Variants in DEAF1 observed in about 807,000 individuals in gnomAD.
The protein encoded by DEAF1 is deformed epidermal autoregulatory factor 1 homolog.
A neutral mutation model predicts 58.9 loss-of-function variants in DEAF1; 53 were observed. The observed-to-expected ratio is 0.90, with a 90% confidence interval of 0.72 to 1.13. The LOEUF (loss-of-function observed/expected upper bound fraction) is 1.13, where lower values mean the gene tolerates loss of function less well. Among genes scored for constraint, DEAF1 ranks in the 50% most tolerant of loss-of-function variants. The probability of loss-of-function intolerance (pLI) is 0.00; values close to 1 mark genes in which losing one functional copy is unlikely to be tolerated. For synonymous variants in DEAF1, 385 were observed against 340.4 expected (o/e 1.13, Z -1.44); for missense variants, 685 against 791.4 (o/e 0.87, Z 1.61).
intron 11 of DEAF1, chr11:646,264 A>G (rs929163667): frequency 2.0e-5 from 3 of 151,978 alleles, no homozygotes; most frequent in Admixed American, 6.6e-5. Flanking sequence ...AAAAAAAAAA[A>G]AAAAAAAAAA....
At chr11:666,049 C>T (rs924830458) in intron 10 of DEAF1, 5 of 152,180 alleles carry the variant, frequency 3.3e-5, no homozygotes, top group South Asian at 2.1e-4. Context: ...TGCTCACCAC[C>T]TGAAAGTCTG....
upstream of DEAF1, chr11:699,759 AAAAG>A (rs1487129437): frequency 2.7e-5 from 5 of 184,812 alleles, no homozygotes; most frequent in African/African-American, 7.3e-5. Context: ...CTCAAAAAAA[AAAAG>A]AAAATGACAA....
In DEAF1 at chr11:681,064, G is replaced by A. The variant is rs1391279434; in HGVS notation, c.896C>T (p.Pro299Leu). ...TLSGPVRLFVPYKRRKKENEL... is the reference protein window; with the variant it reads ...TLSGPVRLFVLYKRRKKENEL... Reference sequence around the variant, plus strand: ...ATTCTCCTTCTTGCGCCTTTTGTAAGGCACAAAAAGCCTGACTGGGCCACT... The same window carrying A: ...ATTCTCCTTCTTGCGCCTTTTGTAAAGCACAAAAAGCCTGACTGGGCCACT... Residue 299 changes from proline to leucine, a missense_variant, in exon 7 of 12, where the codon CCT becomes CTT. Around this residue, in one of 3 missense-constraint regions of DEAF1, gnomAD observed 343 missense variants for 379.8 expected, o/e 0.90. Coordinates refer to ENST00000382409, the MANE Select transcript of DEAF1 (RefSeq NM_021008.4). The A allele has an allele frequency of 6.2e-7, 1 of 1,614,068 alleles. No homozygotes were observed. The highest frequency in any genetic ancestry group is 1.1e-5 in the South Asian group (1 of 91,070).
At chr11:653,230 A>G (rs1456196853) in intron 11 of DEAF1, among the ~76,000 whole-genome samples, 1 of 147,422 alleles carries the variant, frequency 6.8e-6, no homozygotes, top group African/African-American at 2.5e-5. Context: ...GCTGAATAAT[A>G]GAGGAACTGT....
chr11:695,376 G>A (rs1413592745), upstream of DEAF1: 1 of 417,016 alleles, frequency 2.4e-6, no homozygotes, highest in African/African-American at 2.1e-5. Flanking sequence ...GAGTCCTCAC[G>A]AGGGCTTCCG....
chr11:646,284 C>T (rs1208208297), intron 11 of DEAF1: 1 of 148,410 alleles, frequency 6.7e-6, no homozygotes, highest in Non-Finnish European at 1.5e-5. Context: ...ATTAAAATTA[C>T]CTGGTAATAG....
chr11:682,338 G>T (rs934287457), intron 6 of DEAF1, among the ~76,000 whole-genome samples: 1 of 152,128 alleles, frequency 6.6e-6, no homozygotes, highest in Non-Finnish European at 1.5e-5. Context: ...CTTGAAGGTC[G>T]GTTTCCCAGA....
intron 11 of DEAF1, among the ~76,000 whole-genome samples, chr11:652,283 G>A (rs529447431): frequency 1.3e-5 from 2 of 152,162 alleles, no homozygotes; most frequent in African/African-American, 4.8e-5. Flanking sequence ...TAACTCATAG[G>A]TCACAGAAAA....
intron 10 of DEAF1, among the ~76,000 whole-genome samples, chr11:669,940 A>C: frequency 6.6e-6 from 1 of 151,262 alleles, no homozygotes; most frequent in Non-Finnish European, 1.5e-5. Flanking sequence ...AAAAAAAAAA[A>C]AAAAAAAAAA....
chr11:663,737 G>T (rs189950487), intron 10 of DEAF1, among the ~76,000 whole-genome samples: 1 of 151,552 alleles, frequency 6.6e-6, no homozygotes, highest in Admixed American at 6.6e-5. Context: ...TCTCCTCAGC[G>T]ACTGCCTCTG....
chr11:668,958 T>G (rs1859679444), intron 10 of DEAF1, among the ~76,000 whole-genome samples: 1 of 152,170 alleles, frequency 6.6e-6, no homozygotes, highest in African/African-American at 2.4e-5. Context: ...CCTGAGCAGC[T>G]GGGACTATAG....
chr11:703,166 A>T, intron 1 of DEAF1: 1 of 1,592,958 alleles, frequency 6.3e-7, no homozygotes, highest in Non-Finnish European at 8.6e-7. Context: ...GACACCCGGG[A>T]TACCCCACAC....
chr11:678,202 C>T (rs921058979), intron 9 of DEAF1: 7 of 196,066 alleles, frequency 3.6e-5, no homozygotes, highest in Non-Finnish European at 6.3e-5. Flanking sequence ...GAGCGAGACT[C>T]AGTCTCAAAA....
chr11:686,721 G>A, intron 5 of DEAF1, 137 bp downstream of exon 5: 1 of 1,172,370 alleles, frequency 8.5e-7, no homozygotes, highest in Non-Finnish European at 1.2e-6. Flanking sequence ...CTCGCCCAAG[G>A]CCACACAGAC....
At chr11:672,442 C>T (rs1859871746) in intron 10 of DEAF1, among the ~76,000 whole-genome samples, 1 of 152,150 alleles carries the variant, frequency 6.6e-6, no homozygotes, top group African/African-American at 2.4e-5. Flanking sequence ...GTAACAAACC[C>T]CTAACATTGA....
chr11:667,663 G>T (rs1859614788), intron 10 of DEAF1, among the ~76,000 whole-genome samples: 1 of 152,042 alleles, frequency 6.6e-6, no homozygotes, highest in African/African-American at 2.4e-5. Flanking sequence ...CAAAAAATTA[G>T]CTGGGCATGG....
At chr11:662,967 G>A (rs961929966) in intron 10 of DEAF1, among the ~76,000 whole-genome samples, 1 of 152,188 alleles carries the variant, frequency 6.6e-6, no homozygotes, top group Non-Finnish European at 1.5e-5. Flanking sequence ...CAGCCTCCCT[G>A]AGCACAACCG....
At chr11:686,612 T>C (rs1860603198) in intron 5 of DEAF1, among the ~76,000 whole-genome samples, 1 of 152,234 alleles carries the variant, frequency 6.6e-6, no homozygotes, top group Non-Finnish European at 1.5e-5. Context: ...TGCCAGGCGC[T>C]GTGACCTCAT....
At chr11:698,029 T>A (rs1861278019), upstream of DEAF1, 1 of 152,280 alleles carries the variant, frequency 6.6e-6, no homozygotes, top group African/African-American at 2.4e-5. Flanking sequence ...GAGGCTGTGT[T>A]CAGGTTGCTG....
Sources: gnomAD v4.1 joint callset for allele counts (sites outside exome capture counted in the v4.1 genomes callset) on GRCh38, gnomAD v4.1.1 for gene constraint, gnomAD v4.1.1 regional missense constraint, MANE v1.5 for transcripts, NCBI Gene and HGNC (gene_info 2026-07-23, HGNC 2026-07-21) for gene names.